The following FBN1 variants were observed in gnomAD, a reference collection of about 807,000 sequenced individuals.
The protein encoded by FBN1 is fibrillin-1.
A neutral mutation model predicts 365.1 loss-of-function variants in FBN1; 29 were observed. The observed-to-expected ratio is 0.08, with a 90% confidence interval of 0.06 to 0.11. The LOEUF (loss-of-function observed/expected upper bound fraction) is 0.11, where lower values mean the gene tolerates loss of function less well. Among genes scored for constraint, FBN1 ranks in the 10% least tolerant of loss-of-function variants. FBN1 has a pLI of 1.00. For synonymous variants in FBN1, 1,210 were observed against 1,270.5 expected (o/e 0.95, Z 1.01); for missense variants, 2,476 against 3,703.2 (o/e 0.67, Z 8.60).
chr15:48,558,255 C>A (rs1038366169), intron 6 of FBN1, among the ~76,000 whole-genome samples: 2 of 152,186 alleles, frequency 1.3e-5, no homozygotes, highest in African/African-American at 4.8e-5. Context: ...CTAAACAAAA[C>A]AGTTCAGCAC....
chr15:48,462,897 T>C (rs2043290197), intron 42 of FBN1, among the ~76,000 whole-genome samples, 185 bp downstream of exon 42: 1 of 152,222 alleles, frequency 6.6e-6, no homozygotes, highest in Non-Finnish European at 1.5e-5. Context: ...TTAGAAAACA[T>C]ATTCTGTGAC....
rs2043316050 is a variant in FBN1, at chr15:48,465,815, T to G, written c.4791A>C (p.Pro1597=). The change falls in exon 39 of 66, where the codon CCA becomes CCC. Residue 1597 remains proline, a synonymous_variant. Coordinates refer to ENST00000316623, the MANE Select transcript of FBN1 (RefSeq NM_000138.5). ...CTTCCAATATAACGGTGATAGGATT[T>G]GGTCGGAAACCTTCCCCTCCAGGAC... is the stretch of plus-strand genomic sequence containing the variant. ...ILCPGGEGFR[P]NPITVILEDI... is the part of the protein sequence containing the mutation. 4.3e-6 allele frequency: 7 copies of G among 1,613,976 alleles called. No individual in the cohort carries two copies. The highest frequency in any genetic ancestry group is 5.9e-6 in the Non-Finnish European group (7 of 1,179,848).
In FBN1 at chr15:48,487,434, A is replaced by G. The variant is rs771972230; in HGVS notation, c.3341T>C (p.Ile1114Thr). Reference protein sequence around the residue: ...GFMMMKNCMDIDECQRDPLLC... With the variant: ...GFMMMKNCMDTDECQRDPLLC... ...GAGAGGATCTCTCTGACACTCATCA[A>G]TATCTGCAAAATGGAAATGACCATG... Residue 1114 changes from isoleucine to threonine, a missense_variant, in exon 28 of 66, where the codon ATT becomes ACT. Physicochemically the swap from Ile to Thr is moderately conservative, Grantham distance 89. Transcript: ENST00000316623. 2 of 1,613,940 alleles carry G rather than the reference A, an allele frequency of 1.2e-6. No homozygotes were observed. Among genetic ancestry groups the G allele is most frequent in the South Asian group, 1.1e-5 (1 of 91,064 alleles).
intron 31 of FBN1, among the ~76,000 whole-genome samples, chr15:48,483,266 C>T (rs2043479831): frequency 6.6e-6 from 1 of 152,104 alleles, no homozygotes; most frequent in Admixed American, 6.6e-5. Context: ...AATGATTGAA[C>T]TTATGCAGAG....
Position 48,433,602 on chromosome 15 carries a change from GA to G in FBN1, c.6617-615del, listed in dbSNP as rs550404961. 6.5e-3 allele frequency among the ~76,000 whole-genome samples: 987 copies of G among 152,174 alleles called. 11 individuals are homozygous for G. Among genetic ancestry groups the G allele is most frequent in the Non-Finnish European group, 7.1e-3 (483 of 67,992 alleles). ...GATGGGAATGAGTTTACTGTTAATG[GA>G]AAAAAAGTCATTTCTGCAGACTGCA... is the stretch of plus-strand genomic sequence containing the variant. On this transcript the variant is annotated intron_variant, in intron 54 of 65. Transcript: ENST00000316623.
At chr15:48,485,100 A>G (rs755339169) in intron 30 of FBN1, among the ~76,000 whole-genome samples, 15 of 152,344 alleles carry the variant, frequency 9.8e-5, no homozygotes, top group Non-Finnish European at 2.2e-4. Context: ...AAACTCTTCA[A>G]AAGTCTGGTC....
intron 6 of FBN1, among the ~76,000 whole-genome samples, chr15:48,539,037 C>T (rs2141360064): frequency 6.6e-6 from 1 of 152,304 alleles, no homozygotes; most frequent in African/African-American, 2.4e-5. Context: ...ACAGTACCAG[C>T]AAGAGTCAAC....
chr15:48,575,530 A>G (rs2044339602), intron 6 of FBN1, among the ~76,000 whole-genome samples: 1 of 152,124 alleles, frequency 6.6e-6, no homozygotes, highest in Non-Finnish European at 1.5e-5. Context: ...TCCAATGTCC[A>G]TCATTCCACT....
chr15:48,430,234 C>T (rs992356344), intron 56 of FBN1, among the ~76,000 whole-genome samples: 1 of 152,168 alleles, frequency 6.6e-6, no homozygotes, highest in African/African-American at 2.4e-5. Context: ...CTGGATGCTA[C>T]TCTAGACAAG....
intron 29 of FBN1, among the ~76,000 whole-genome samples, chr15:48,486,816 GC>G (rs1282427567): frequency 1.3e-5 from 2 of 152,154 alleles, no homozygotes; most frequent in Admixed American, 6.5e-5. Context: ...GCTTATTAGA[GC>G]TAAAACATCC....
At position 48,534,809 on chromosome 15, in the gene FBN1, TGA is replaced by T. The variant is rs555757585; in HGVS notation, c.737-606_737-605del. 3.9e-5 allele frequency among the ~76,000 whole-genome samples: 6 copies of T among 152,220 alleles called. No homozygotes were observed. The South Asian group carries it at 1.2e-3, about 32-fold the overall frequency. On this transcript the variant is annotated intron_variant, in intron 7 of 65. Coordinates refer to ENST00000316623, the MANE Select transcript of FBN1 (RefSeq NM_000138.5). ...CAACTCAGAAAATTAGGCCAAGAAG[TGA>T]GAGAGATTGTTAGGTGAGTGAGTGT...
intron 5 of FBN1, among the ~76,000 whole-genome samples, chr15:48,599,203 C>T (rs773397229): frequency 9.9e-5 from 15 of 152,148 alleles, no homozygotes; most frequent in Non-Finnish European, 1.5e-4. Context: ...CATTATTAAT[C>T]CTAATAAATA....
chr15:48,504,949 C>CGTT (rs1395929747), intron 16 of FBN1, 76 bp downstream of exon 16: 1 of 1,576,762 alleles, frequency 6.3e-7, no homozygotes, highest in African/African-American at 1.3e-5. Context: ...CAGTAGAGAG[C>CGTT]GTTTGTTACC....
At chr15:48,512,094 T>C (rs1408535716) in intron 13 of FBN1, among the ~76,000 whole-genome samples, 2 of 152,198 alleles carry the variant, frequency 1.3e-5, no homozygotes, top group Non-Finnish European at 2.9e-5. Flanking sequence ...CTCCAGTTTT[T>C]TTCTGCTTAA....
intron 8 of FBN1, among the ~76,000 whole-genome samples, chr15:48,530,236 C>A (rs1210824854): frequency 1.4e-5 from 2 of 138,704 alleles, no homozygotes; most frequent in African/African-American, 5.3e-5. Context: ...CATCCGCCGC[C>A]TGATCACAAC....
At chr15:48,643,136 G>A (rs1288586741) in intron 2 of FBN1, 1 of 152,182 alleles carries the variant, frequency 6.6e-6, no homozygotes, top group Non-Finnish European at 1.5e-5. Flanking sequence ...TATTATGTAG[G>A]AGAAATGTAT....
At chr15:48,633,593 T>G (rs1890031649) in intron 2 of FBN1, among the ~76,000 whole-genome samples, 2 of 152,170 alleles carry the variant, frequency 1.3e-5, no homozygotes, top group African/African-American at 4.8e-5. Flanking sequence ...TCCTTTCTAA[T>G]GTGGAGGTTC....
At position 48,530,590 on chromosome 15, in the gene FBN1, G is replaced by A. The variant is rs376284803; in HGVS notation, c.862+3490C>T. Among the ~76,000 whole-genome samples, 3 of 151,018 alleles carry A rather than the reference G, an allele frequency of 2.0e-5. No homozygotes were observed. In the East Asian group the frequency reaches 5.8e-4, roughly 29 times the overall value. ...TTTTTTTTTCAACTAATTGTATAGA[G>A]AGAGCCAGTTACCTTGAACAGTGAA... is the stretch of plus-strand genomic sequence containing the variant. On this transcript the variant is annotated intron_variant, in intron 8 of 65. Transcript: ENST00000316623.
chr15:48,598,476 G>A (rs540973348), intron 5 of FBN1, among the ~76,000 whole-genome samples: 3 of 152,280 alleles, frequency 2.0e-5, no homozygotes, highest in Non-Finnish European at 2.9e-5. Flanking sequence ...AGAAAACATA[G>A]TATGTATAAA....
Sources: allele counts gnomAD v4.1 joint callset (sites outside exome capture counted in the v4.1 genomes callset), GRCh38; gene constraint gnomAD v4.1.1; transcripts MANE v1.5; gene names NCBI Gene and HGNC (gene_info 2026-07-23, HGNC 2026-07-21).